GRID2: variants seen among roughly 807,000 people sequenced by gnomAD.
GRID2 encodes the protein glutamate ionotropic receptor delta type subunit 2.
Under a neutral mutation model 114.8 loss-of-function variants are expected in GRID2, and 33 were observed. The ratio of observed to expected loss-of-function variants is 0.29; its 90% CI spans 0.22 to 0.38. The LOEUF is 0.38. Ranked by LOEUF, GRID2 falls within the 10% of genes least tolerant of loss-of-function variation. The probability of loss-of-function intolerance (pLI) is 1.00; values close to 1 mark genes in which losing one functional copy is unlikely to be tolerated. For synonymous variants in GRID2, 505 were observed against 449.9 expected (o/e 1.12, Z -1.55); for missense variants, 1,184 against 1,257.7 (o/e 0.94, Z 0.89).
At chr4:93,468,465 G>C (rs927442921) in intron 11 of GRID2, among the ~76,000 whole-genome samples, 2 of 152,112 alleles carry the variant, frequency 1.3e-5, no homozygotes, top group Non-Finnish European at 2.9e-5. Context: ...GTATGGAACT[G>C]TTACAATTTT....
intron 13 of GRID2, among the ~76,000 whole-genome samples, chr4:93,622,675 G>A (rs765174762): frequency 6.6e-5 from 10 of 152,138 alleles, no homozygotes; most frequent in Non-Finnish European, 1.2e-4. Context: ...ATACCTCATG[G>A]TTTGGTTGGG....
At chr4:93,787,191 T>C (rs1182240195) in intron 1 of GRID2, among the ~76,000 whole-genome samples, 1 of 151,936 alleles carries the variant, frequency 6.6e-6, no homozygotes, top group Non-Finnish European at 1.5e-5. Flanking sequence ...GACCCGGAAG[T>C]AGTGCACATC....
chr4:92,873,423 C>T (rs781070401), intron 2 of GRID2, among the ~76,000 whole-genome samples: 2 of 151,444 alleles, frequency 1.3e-5, no homozygotes, highest in Non-Finnish European at 2.9e-5. Context: ...AATATAACCA[C>T]GATTATATGT....
intron 2 of GRID2, among the ~76,000 whole-genome samples, chr4:92,647,150 T>C (rs1731686396): frequency 6.6e-6 from 1 of 152,196 alleles, no homozygotes; most frequent in Non-Finnish European, 1.5e-5. Context: ...TAACTTACTT[T>C]ATCTCCTTGT....
chr4:93,677,599 C>G (rs1207468793), intron 14 of GRID2, among the ~76,000 whole-genome samples: 1 of 152,106 alleles, frequency 6.6e-6, no homozygotes, highest in African/African-American at 2.4e-5. Flanking sequence ...GAGGAACCAT[C>G]AGACAGCAGC....
In GRID2 at chr4:93,224,792, C is replaced by T. The variant is rs1375252476; in HGVS notation, c.1125+17C>T. 2 of 1,567,590 alleles carry T rather than the reference C, an allele frequency of 1.3e-6. No individual in the cohort carries two copies. The highest frequency in any genetic ancestry group is 8.7e-7 in the Non-Finnish European group (1 of 1,144,688). On this transcript the variant is annotated intron_variant, in intron 7 of 15. Coordinates refer to ENST00000282020, the MANE Select transcript of GRID2 (RefSeq NM_001510.4). ...ATCAAGAAGGTAACTTCTTAATTTTCATGTAAAAAGGATATGGTAAATAAT... is the reference window on the plus strand; with the variant it reads ...ATCAAGAAGGTAACTTCTTAATTTTTATGTAAAAAGGATATGGTAAATAAT...
intron 1 of GRID2, among the ~76,000 whole-genome samples, chr4:92,392,485 GCCGGGATGGCA>G (rs1295290144): frequency 2.0e-5 from 3 of 152,040 alleles, no homozygotes; most frequent in Non-Finnish European, 4.4e-5. Context: ...ATTGCAATGA[GCCGGGATGGCA>G]CCACTGCACT....
chr4:93,673,965 T>C (rs890982602), intron 14 of GRID2, among the ~76,000 whole-genome samples: 8 of 152,036 alleles, frequency 5.3e-5, no homozygotes, highest in Non-Finnish European at 1.2e-4. Flanking sequence ...TTCACCTCCT[T>C]CTTCAACCCT....
At chr4:93,078,051 C>T (rs372212806) in intron 2 of GRID2, among the ~76,000 whole-genome samples, 2 of 152,242 alleles carry the variant, frequency 1.3e-5, no homozygotes, top group East Asian at 3.9e-4. Flanking sequence ...TTTCTTGCCT[C>T]TCCCGCCATT....
At chr4:92,845,542 T>A (rs559616134) in intron 2 of GRID2, among the ~76,000 whole-genome samples, 1 of 152,136 alleles carries the variant, frequency 6.6e-6, no homozygotes, top group African/African-American at 2.4e-5. Flanking sequence ...AAAATAAAAA[T>A]TTTAAAAAAA....
intron 1 of GRID2, among the ~76,000 whole-genome samples, chr4:92,374,394 C>A (rs540903899): frequency 2.6e-5 from 4 of 152,098 alleles, no homozygotes; most frequent in Non-Finnish European, 5.9e-5. Flanking sequence ...GAAGCCCCCA[C>A]TTTGAGTTGT....
intron 8 of GRID2, among the ~76,000 whole-genome samples, chr4:93,387,940 C>T (rs1321293288): frequency 6.6e-6 from 1 of 151,862 alleles, no homozygotes; most frequent in African/African-American, 2.4e-5. Flanking sequence ...ATTGAAGTCT[C>T]ACTTTGTGCC....
intron 14 of GRID2, among the ~76,000 whole-genome samples, chr4:93,676,342 CT>C (rs1459058231): frequency 2.6e-5 from 4 of 151,970 alleles, no homozygotes; most frequent in Admixed American, 2.6e-4. Flanking sequence ...CAAATTAGGC[CT>C]CAAAGCAATG....
intron 2 of GRID2, among the ~76,000 whole-genome samples, chr4:92,915,679 C>T (rs1196177816): frequency 1.3e-5 from 2 of 152,114 alleles, no homozygotes; most frequent in African/African-American, 2.4e-5. Flanking sequence ...TTTACACTCC[C>T]ACCTACAATG....
chr4:92,385,626 A>T (rs1157955043), intron 1 of GRID2, among the ~76,000 whole-genome samples: 1 of 151,382 alleles, frequency 6.6e-6, no homozygotes, highest in East Asian at 1.9e-4. Context: ...AAATAATATA[A>T]TTTATTTTAA....
chr4:92,381,485 C>T (rs1261285773), intron 1 of GRID2, among the ~76,000 whole-genome samples: 1 of 149,486 alleles, frequency 6.7e-6, no homozygotes, highest in African/African-American at 2.4e-5. Flanking sequence ...TATGTAAACT[C>T]TATGGTAATA....
intron 2 of GRID2, among the ~76,000 whole-genome samples, chr4:92,776,765 A>G (rs896883295): frequency 6.6e-6 from 1 of 152,098 alleles, no homozygotes; most frequent in Non-Finnish European, 1.5e-5. Context: ...AAGATAGTTA[A>G]TATATTAACT....
At chr4:92,343,254 C>A (rs1727599902) in intron 1 of GRID2, among the ~76,000 whole-genome samples, 1 of 150,714 alleles carries the variant, frequency 6.6e-6, no homozygotes, top group South Asian at 2.1e-4. Context: ...AAAAAAAGCT[C>A]AAATCAAATC....
chr4:92,642,777 T>C (rs913506393), intron 2 of GRID2, among the ~76,000 whole-genome samples: 1 of 151,874 alleles, frequency 6.6e-6, no homozygotes, highest in African/African-American at 2.4e-5. Flanking sequence ...TTCTAGGGTT[T>C]TTTATAGTGT....
Sources: gnomAD v4.1 joint callset for allele counts (sites outside exome capture counted in the v4.1 genomes callset) on GRCh38, gnomAD v4.1.1 for gene constraint, MANE v1.5 for transcripts, NCBI Gene and HGNC (gene_info 2026-07-23, HGNC 2026-07-21) for gene names.